ST8SIA4: variants seen among roughly 807,000 people sequenced by gnomAD.
ST8SIA4 encodes ST8 alpha-N-acetyl-neuraminide alpha-2,8-sialyltransferase 4.
A neutral mutation model predicts 33.9 loss-of-function variants in ST8SIA4; 15 were observed. The ratio of observed to expected loss-of-function variants is 0.44; its 90% CI spans 0.30 to 0.68. The LOEUF (loss-of-function observed/expected upper bound fraction) is 0.68, where lower values mean the gene tolerates loss of function less well. Among genes scored for constraint, ST8SIA4 ranks in the 30% least tolerant of loss-of-function variants. The pLI, the probability that ST8SIA4 is intolerant of heterozygous loss-of-function variation, is 0.10. For synonymous variants in ST8SIA4, 171 were observed against 151.2 expected, an observed-to-expected ratio of 1.13 and a Z score of -0.96; for missense variants, 321 against 428.0, an observed-to-expected ratio of 0.75 and a Z score of 2.21.
intron 4 of ST8SIA4, among the ~76,000 whole-genome samples, chr5:100,830,805 G>A (rs1259999390): frequency 6.6e-6 from 1 of 152,180 alleles, no homozygotes; most frequent in East Asian, 1.9e-4. Flanking sequence ...ATATATGTGT[G>A]TAAGTACAAC....
intron 3 of ST8SIA4, among the ~76,000 whole-genome samples, chr5:100,880,442 G>T (rs1752394295): frequency 6.6e-6 from 1 of 152,084 alleles, no homozygotes; most frequent in Non-Finnish European, 1.5e-5. Context: ...CCCAAATAAG[G>T]GGTAAAACCA....
intron 4 of ST8SIA4, among the ~76,000 whole-genome samples, chr5:100,852,421 C>G (rs1402755260): frequency 6.8e-6 from 1 of 146,582 alleles, no homozygotes; most frequent in Non-Finnish European, 1.5e-5. Context: ...TGCACTGGGC[C>G]CAAAATTGCT....
chr5:100,873,412 A>C (rs1274524996), intron 3 of ST8SIA4, among the ~76,000 whole-genome samples: 3 of 150,384 alleles, frequency 2.0e-5, no homozygotes, highest in Non-Finnish European at 3.0e-5. Flanking sequence ...CAAAAGTGAC[A>C]AAAAAAAATG....
chr5:100,880,971 A>C (rs1395419986), intron 3 of ST8SIA4, among the ~76,000 whole-genome samples: 1 of 152,230 alleles, frequency 6.6e-6, no homozygotes, highest in African/African-American at 2.4e-5. Context: ...ATATATCTAC[A>C]TTCACTAAAT....
At position 100,895,714 on chromosome 5, in the gene ST8SIA4, G is replaced by GA; in HGVS notation, c.184dup (p.Ser62PhefsTer42). 1 of 1,612,908 alleles carries GA rather than the reference G, an allele frequency of 6.2e-7. No homozygotes were observed. Among genetic ancestry groups the GA allele is most frequent in the Non-Finnish European group, 8.5e-7 (1 of 1,179,140 alleles). ...ACCTTCTACATTGTGCTGGAAGATT[G>GA]AAGAGCCAGCCTTTCGAATGATTTT... On this transcript the variant is annotated frameshift_variant, in exon 2 of 5. Coordinates refer to ENST00000231461, the MANE Select transcript of ST8SIA4 (RefSeq NM_005668.6). LOFTEE classifies it high-confidence loss of function.
intron 4 of ST8SIA4, among the ~76,000 whole-genome samples, chr5:100,843,174 A>G (rs1388312830): frequency 6.6e-6 from 1 of 151,882 alleles, no homozygotes; most frequent in Non-Finnish European, 1.5e-5. Flanking sequence ...AAAGAAAGAC[A>G]GTTTTCCACT....
chr5:100,882,017 G>C (rs62386110), intron 3 of ST8SIA4, among the ~76,000 whole-genome samples: 2,261 of 152,312 alleles, frequency 0.015, 28 homozygotes, highest in Non-Finnish European at 0.025. Flanking sequence ...TACCCGTAGA[G>C]TGGGGTGTTG....
chr5:100,814,821 G>A (rs886659920), intron 4 of ST8SIA4, among the ~76,000 whole-genome samples: 2 of 151,862 alleles, frequency 1.3e-5, no homozygotes, highest in Admixed American at 6.6e-5. Flanking sequence ...AATTCTGTCA[G>A]CATAATTGGT....
At chr5:100,898,622 C>G (rs1374193848) in intron 1 of ST8SIA4, among the ~76,000 whole-genome samples, 2 of 152,176 alleles carry the variant, frequency 1.3e-5, no homozygotes, top group South Asian at 4.1e-4. Flanking sequence ...TTAGTACAAT[C>G]TGAAGCTCTA....
At chr5:100,885,911 T>G in intron 3 of ST8SIA4, 2 of 824,924 alleles carry the variant, frequency 2.4e-6, no homozygotes, top group Non-Finnish European at 2.9e-6. Flanking sequence ...GTTCTTACTA[T>G]CTCCTAGATA....
chr5:100,881,545 T>C (rs1466457621), intron 3 of ST8SIA4, among the ~76,000 whole-genome samples: 1 of 152,150 alleles, frequency 6.6e-6, no homozygotes, highest in Non-Finnish European at 1.5e-5. Flanking sequence ...TATATATATA[T>C]TATAGAATAC....
rs35431964 is a variant in ST8SIA4, at chr5:100,809,449, C to CAAAAAAAA, written c.*2390_*2397dup. 4 of 82,172 alleles carry CAAAAAAAA rather than the reference C, an allele frequency of 4.9e-5. No individual in the cohort carries two copies. Among genetic ancestry groups the CAAAAAAAA allele is most frequent in the Non-Finnish European group, 4.5e-5 (2 of 44,268 alleles). The allele number at this position is 82,172 out of a possible 1,614,324, so 5.1% of individuals were successfully genotyped here. A position where few individuals can be genotyped will look rare whatever the true frequency, so the allele number is the denominator to read the frequency against. On this transcript the variant is annotated 3_prime_UTR_variant, in exon 5 of 5. Coordinates refer to ENST00000231461, the MANE Select transcript of ST8SIA4 (RefSeq NM_005668.6). ...TGTGTGACAGAGTGAGACTCCATCTCAAAAAAAAAAAAAAAAGAAAAAAGA... is the reference window on the plus strand; with the variant it reads ...TGTGTGACAGAGTGAGACTCCATCTCAAAAAAAAAAAAAAAAAAAAAAAAGAAAAAAGA...
At chr5:100,865,835 T>C (rs534531636) in intron 3 of ST8SIA4, among the ~76,000 whole-genome samples, 1 of 152,248 alleles carries the variant, frequency 6.6e-6, no homozygotes, top group Admixed American at 6.5e-5. Context: ...CACTGTCCAA[T>C]TTTAGTTACG....
At chr5:100,815,449 C>T (rs1750896079) in intron 4 of ST8SIA4, among the ~76,000 whole-genome samples, 1 of 150,942 alleles carries the variant, frequency 6.6e-6, no homozygotes, top group Admixed American at 6.6e-5. Context: ...TCCTTCCCTC[C>T]TTTCTTCCTT....
At position 100,901,024 on chromosome 5, in the gene ST8SIA4, C is replaced by A. The variant is rs186992810; in HGVS notation, c.113+1819G>T. On this transcript the variant is annotated intron_variant, in intron 1 of 4. Coordinates refer to ENST00000231461, the MANE Select transcript of ST8SIA4 (RefSeq NM_005668.6). ...AAAAGCCCAGCCCGACTAGCTCAACCGCCGCGCCAGTGCCCGCCTCCTCTT... is the reference window on the plus strand; with the variant it reads ...AAAAGCCCAGCCCGACTAGCTCAACAGCCGCGCCAGTGCCCGCCTCCTCTT... Among the ~76,000 whole-genome samples the A allele has an allele frequency of 1.2e-3, 181 of 152,328 alleles. 1 individual carries two copies. The highest frequency in any genetic ancestry group is 4.0e-3 in the African/African-American group (165 of 41,582).
chr5:100,897,211 T>G (rs1487708717), intron 1 of ST8SIA4, among the ~76,000 whole-genome samples: 1 of 152,082 alleles, frequency 6.6e-6, no homozygotes, highest in Non-Finnish European at 1.5e-5. Flanking sequence ...AAAAACTACC[T>G]CCCTGCAACC....
intron 3 of ST8SIA4, among the ~76,000 whole-genome samples, chr5:100,879,363 T>C (rs1234145354): frequency 6.6e-6 from 1 of 152,168 alleles, no homozygotes; most frequent in Non-Finnish European, 1.5e-5. Context: ...GGTTTAGAAA[T>C]TGTTCTTGAA....
chr5:100,814,131 A>G (rs3909452), intron 4 of ST8SIA4, among the ~76,000 whole-genome samples: 92,391 of 151,844 alleles, frequency 0.61, 28,540 homozygotes, highest in South Asian at 0.74. Context: ...AGTAACTACA[A>G]CGTTAGAAAT....
intron 1 of ST8SIA4, 32 bp from the exon 2 acceptor site, chr5:100,895,817 A>T (rs1752768493): frequency 6.2e-7 from 1 of 1,609,544 alleles, no homozygotes; most frequent in African/African-American, 1.3e-5. Flanking sequence ...AGCTTTGTGA[A>T]AGTAAGAAAC....
Sources: allele counts gnomAD v4.1 joint callset (sites outside exome capture counted in the v4.1 genomes callset), GRCh38; gene constraint gnomAD v4.1.1; transcripts MANE v1.5; gene names NCBI Gene and HGNC (gene_info 2026-07-23, HGNC 2026-07-21).